Variants in NALF1 observed in about 807,000 individuals in gnomAD.
NALF1 encodes the protein family with sequence similarity 155 member A.
NALF1 carries 3 observed loss-of-function variants against 48.4 expected under a neutral mutation model. The observed-to-expected ratio is 0.06, with a 90% CI of 0.03 to 0.16. NALF1 has a LOEUF of 0.16. Among genes scored for constraint, NALF1 ranks in the 10% least tolerant of loss-of-function variants. NALF1 has a pLI of 1.00. For missense variants in NALF1, 526 were observed against 571.5 expected, an observed-to-expected ratio of 0.92 and a Z score of 0.81; for synonymous variants, 262 against 245.7, an observed-to-expected ratio of 1.07 and a Z score of -0.62.
At chr13:107,594,375 T>C (rs964827786) in intron 1 of NALF1, among the ~76,000 whole-genome samples, 18 of 152,178 alleles carry the variant, frequency 1.2e-4, no homozygotes, top group African/African-American at 4.3e-4. Flanking sequence ...CAGTGAACTA[T>C]GTAGTCAATT....
Position 107,287,696 on chromosome 13 carries a change from T to C in NALF1, c.916-76941A>G, listed in dbSNP as rs7400355. On this transcript the variant is annotated intron_variant, in intron 1 of 2. Transcript: ENST00000375915. ...TGTATGTTTTTCTTTTCCTTTCTTT[T>C]CTTTTCTTTCTTTTTTTTTTTTTTT... 4.6e-4 allele frequency among the ~76,000 whole-genome samples: 51 copies of C among 110,968 alleles called. 1 individual carries two copies. In the South Asian group the frequency reaches 0.018, roughly 39 times the overall value. 72.8% of individuals were successfully genotyped at this position (110,968 alleles called of 152,430 possible).
At chr13:107,809,872 TTC>T (rs1398852005) in intron 1 of NALF1, among the ~76,000 whole-genome samples, 4 of 152,032 alleles carry the variant, frequency 2.6e-5, no homozygotes, top group Admixed American at 2.6e-4. Flanking sequence ...ATCAACTGCA[TTC>T]TGTCTCAAGG....
intron 1 of NALF1, among the ~76,000 whole-genome samples, chr13:107,634,853 A>G (rs1229064191): frequency 6.6e-6 from 1 of 152,136 alleles, no homozygotes; most frequent in African/African-American, 2.4e-5. Flanking sequence ...AATGGTCTAC[A>G]ATGGGAACTG....
chr13:107,316,865 G>A (rs551413759), intron 1 of NALF1, among the ~76,000 whole-genome samples: 2 of 151,972 alleles, frequency 1.3e-5, no homozygotes, highest in South Asian at 2.1e-4. Context: ...CTTGCAACTG[G>A]CTGCCTACTT....
In NALF1 at chr13:107,210,514, G is replaced by A. The variant is rs1258860180; in HGVS notation, c.1087+70C>T. 2.0e-5 allele frequency: 22 copies of A among 1,105,688 alleles called. 1 individual carries two copies. Among genetic ancestry groups the A allele is most frequent in the South Asian group, 1.7e-4 (13 of 75,460 alleles). 68.5% of individuals were successfully genotyped at this position (1,105,688 alleles called of 1,614,324 possible). On this transcript the variant is annotated intron_variant, in intron 2 of 2. Coordinates refer to ENST00000375915, the MANE Select transcript of NALF1 (RefSeq NM_001080396.3). ...TATATCAGTGAAAGGAAACAGCAAA[G>A]CAAACAAACATCACACAAGAAAGCA...
chr13:107,313,467 C>A (rs1429584665), intron 1 of NALF1, among the ~76,000 whole-genome samples: 1 of 151,424 alleles, frequency 6.6e-6, no homozygotes, highest in African/African-American at 2.4e-5. Flanking sequence ...TAACCACATA[C>A]CTCCCTCACA....
intron 1 of NALF1, among the ~76,000 whole-genome samples, chr13:107,833,824 T>C (rs1566500095): frequency 6.6e-6 from 1 of 152,158 alleles, no homozygotes; most frequent in Non-Finnish European, 1.5e-5. Flanking sequence ...AATAGTATTT[T>C]AATTTCCAGT....
chr13:107,243,142 C>T (rs970877934), intron 1 of NALF1, among the ~76,000 whole-genome samples: 1 of 152,180 alleles, frequency 6.6e-6, no homozygotes, highest in African/African-American at 2.4e-5. Context: ...CAGGCCTCGT[C>T]CTGACCTGAC....
At chr13:107,319,798 T>C (rs1221357430) in intron 1 of NALF1, among the ~76,000 whole-genome samples, 1 of 152,110 alleles carries the variant, frequency 6.6e-6, no homozygotes, top group East Asian at 1.9e-4. Context: ...ATTTAGCCAC[T>C]ACATTCTACC....
intron 1 of NALF1, among the ~76,000 whole-genome samples, chr13:107,258,920 C>G (rs2138852161): frequency 6.6e-6 from 1 of 152,250 alleles, no homozygotes; most frequent in African/African-American, 2.4e-5. Context: ...CATGATGAAA[C>G]AGGATGTGTG....
intron 1 of NALF1, among the ~76,000 whole-genome samples, chr13:107,687,653 C>T (rs959130563): frequency 6.6e-6 from 1 of 152,094 alleles, no homozygotes; most frequent in Non-Finnish European, 1.5e-5. Flanking sequence ...TTTAGCAAAA[C>T]GAGTTGCCTA....
chr13:107,340,429 C>T (rs990249012), intron 1 of NALF1, among the ~76,000 whole-genome samples: 4 of 121,430 alleles, frequency 3.3e-5, no homozygotes, highest in Admixed American at 8.4e-5. Flanking sequence ...ACATGAGTTA[C>T]GGCGCCTGAC....
intron 1 of NALF1, among the ~76,000 whole-genome samples, chr13:107,287,244 T>C (rs919626685): frequency 2.0e-5 from 3 of 152,188 alleles, no homozygotes; most frequent in Non-Finnish European, 2.9e-5. Flanking sequence ...ACTGATGAGG[T>C]ACAAACATAT....
chr13:107,178,959 A>AC (rs1424860295), intron 2 of NALF1, among the ~76,000 whole-genome samples: 5,849 of 151,038 alleles, frequency 0.039, 138 homozygotes, highest in Middle Eastern at 0.055. Flanking sequence ...AACAAACAAA[A>AC]AAAAAAAACA....
intron 1 of NALF1, among the ~76,000 whole-genome samples, chr13:107,654,119 A>G (rs1210439115): frequency 2.0e-5 from 3 of 152,126 alleles, no homozygotes; most frequent in Non-Finnish European, 4.4e-5. Context: ...AAAGATAAAT[A>G]AAATTGACAG....
chr13:107,229,031 C>T (rs1313440020), intron 1 of NALF1, among the ~76,000 whole-genome samples: 2 of 152,002 alleles, frequency 1.3e-5, no homozygotes, highest in Non-Finnish European at 2.9e-5. Context: ...GTGGTTTAAG[C>T]CAACCAGCTT....
chr13:107,773,199 A>C (rs1270947683), intron 1 of NALF1, among the ~76,000 whole-genome samples: 3 of 152,196 alleles, frequency 2.0e-5, no homozygotes, highest in Non-Finnish European at 2.9e-5. Flanking sequence ...AGAGTCTGAC[A>C]TATTTTACCT....
intron 1 of NALF1, among the ~76,000 whole-genome samples, chr13:107,791,722 A>T (rs1878239667): frequency 6.6e-6 from 1 of 152,064 alleles, no homozygotes; most frequent in South Asian, 2.1e-4. Context: ...AGGGTGAGGC[A>T]GGTGGATCAC....
intron 1 of NALF1, among the ~76,000 whole-genome samples, chr13:107,360,113 T>C (rs1038370338): frequency 5.3e-5 from 8 of 152,334 alleles, no homozygotes; most frequent in African/African-American, 1.9e-4. Flanking sequence ...GCTTTGATGA[T>C]GGCTGCTATG....
Sources: gnomAD v4.1 joint callset for allele counts (sites outside exome capture counted in the v4.1 genomes callset) on GRCh38, gnomAD v4.1.1 for gene constraint, MANE v1.5 for transcripts, NCBI Gene and HGNC (gene_info 2026-07-23, HGNC 2026-07-21) for gene names.